Variants in PRMT3 observed in about 807,000 individuals in gnomAD.
The protein encoded by PRMT3 is protein arginine N-methyltransferase 3.
Under a neutral mutation model 71.9 loss-of-function variants are expected in PRMT3, and 62 were observed. The observed-to-expected ratio is 0.86, with a 90% CI of 0.70 to 1.07. PRMT3 has a LOEUF of 1.07. PRMT3 is among the 50% of genes least tolerant of loss of function. The pLI is 0.00. For synonymous variants in PRMT3, 213 were observed against 220.4 expected, an observed-to-expected ratio of 0.97 and a Z score of 0.30; for missense variants, 663 against 643.0, an observed-to-expected ratio of 1.03 and a Z score of -0.34.
intron 10 of PRMT3, among the ~76,000 whole-genome samples, chr11:20,440,654 A>G (rs1183409263): frequency 6.6e-6 from 1 of 151,728 alleles, no homozygotes; most frequent in Non-Finnish European, 1.5e-5. Context: ...GCTTTTATCA[A>G]AATGGTTAGT....
intron 13 of PRMT3, among the ~76,000 whole-genome samples, chr11:20,490,298 C>T (rs989230595): frequency 3.9e-5 from 6 of 152,108 alleles, no homozygotes; most frequent in East Asian, 3.8e-4. Flanking sequence ...CACATAGATG[C>T]AATTTCAGAT....
intron 15 of PRMT3, among the ~76,000 whole-genome samples, chr11:20,502,722 T>C (rs1851486863): frequency 6.6e-6 from 1 of 152,110 alleles, no homozygotes; most frequent in African/African-American, 2.4e-5. Flanking sequence ...AGGACTTCTA[T>C]AAACAAGACA....
chr11:20,402,826 A>G, intron 7 of PRMT3, 93 bp from the exon 8 acceptor site: 2 of 896,316 alleles, frequency 2.2e-6, no homozygotes, highest in Non-Finnish European at 3.5e-6. Flanking sequence ...TATGGAAACT[A>G]GCAATGTGTG....
At chr11:20,427,447 G>A (rs1203490209) in intron 10 of PRMT3, among the ~76,000 whole-genome samples, 1 of 152,184 alleles carries the variant, frequency 6.6e-6, no homozygotes, top group Non-Finnish European at 1.5e-5. Context: ...AATGGAGTCT[G>A]GGTATGGTGG....
intron 9 of PRMT3, among the ~76,000 whole-genome samples, chr11:20,415,355 T>C (rs187499164): frequency 1.3e-5 from 2 of 152,250 alleles, no homozygotes; most frequent in African/African-American, 2.4e-5. Context: ...GTTCTGTCTT[T>C]GTGGGGTACA....
At chr11:20,503,358 C>A (rs956378937) in intron 15 of PRMT3, among the ~76,000 whole-genome samples, 3 of 152,142 alleles carry the variant, frequency 2.0e-5, no homozygotes, top group Non-Finnish European at 2.9e-5. Context: ...CTAGGCACCA[C>A]ATTTTTAAAC....
intron 13 of PRMT3, among the ~76,000 whole-genome samples, chr11:20,489,408 C>A (rs1270514015): frequency 1.3e-5 from 2 of 152,126 alleles, no homozygotes; most frequent in Non-Finnish European, 2.9e-5. Context: ...CCTCTCTGAT[C>A]TTTTACGAGC....
intron 9 of PRMT3, among the ~76,000 whole-genome samples, chr11:20,416,930 A>G (rs7482999): frequency 0.86 from 130,546 of 152,098 alleles, 57,065 homozygotes; most frequent in Non-Finnish European, 0.95. Context: ...TTTAATAAAG[A>G]TAACTGGCAT....
intron 12 of PRMT3, among the ~76,000 whole-genome samples, chr11:20,463,532 A>G (rs941670096): frequency 2.0e-5 from 3 of 151,954 alleles, no homozygotes; most frequent in African/African-American, 7.3e-5. Flanking sequence ...TGAGACAGAA[A>G]AATTTAGACC....
intron 13 of PRMT3, among the ~76,000 whole-genome samples, chr11:20,485,445 A>G (rs1364400462): frequency 6.6e-6 from 1 of 152,216 alleles, no homozygotes; most frequent in African/African-American, 2.4e-5. Flanking sequence ...TTGAAAAACT[A>G]TGCTTACTAA....
intron 15 of PRMT3, among the ~76,000 whole-genome samples, chr11:20,501,294 A>T (rs1851452287): frequency 6.6e-6 from 1 of 152,078 alleles, no homozygotes; most frequent in Admixed American, 6.6e-5. Context: ...TCTTGATGTG[A>T]TGTAGTATTT....
chr11:20,507,308 CTT>C (rs1464209708), intron 15 of PRMT3, among the ~76,000 whole-genome samples: 3 of 152,166 alleles, frequency 2.0e-5, no homozygotes, highest in African/African-American at 7.2e-5. Flanking sequence ...ATCACAAACT[CTT>C]TGAGGGCAGG....
chr11:20,401,409 A>G (rs1380986313), intron 7 of PRMT3, among the ~76,000 whole-genome samples: 1 of 152,188 alleles, frequency 6.6e-6, no homozygotes, highest in Non-Finnish European at 1.5e-5. Flanking sequence ...GTAATTCTTC[A>G]GGAGAAGATT....
chr11:20,444,926 C>A (rs966573121), intron 10 of PRMT3, among the ~76,000 whole-genome samples: 5 of 152,026 alleles, frequency 3.3e-5, no homozygotes, highest in Non-Finnish European at 7.4e-5. Context: ...TAGGTGCATA[C>A]ACATTAGGTT....
intron 11 of PRMT3, among the ~76,000 whole-genome samples, chr11:20,454,530 C>T (rs1850224639): frequency 6.6e-6 from 1 of 152,068 alleles, no homozygotes; most frequent in Non-Finnish European, 1.5e-5. Context: ...GCATTTAACT[C>T]CTTAAGCAGT....
chr11:20,388,559 T>C (rs746212230), intron 2 of PRMT3, among the ~76,000 whole-genome samples: 186 of 152,308 alleles, frequency 1.2e-3, no homozygotes, highest in Non-Finnish European at 7.6e-4. Context: ...GAGTAACATA[T>C]TTGGCAGCCA....
chr11:20,442,212 G>T (rs1849923661), intron 10 of PRMT3, among the ~76,000 whole-genome samples: 3 of 145,414 alleles, frequency 2.1e-5, no homozygotes, highest in Non-Finnish European at 3.0e-5. Context: ...TCAAAATATT[G>T]TTTTTTTTTT....
chr11:20,464,777 C>T (rs1237709238), intron 13 of PRMT3, among the ~76,000 whole-genome samples: 1 of 152,096 alleles, frequency 6.6e-6, no homozygotes, highest in East Asian at 1.9e-4. Context: ...AATGATTTTT[C>T]TTTATAGAGT....
intron 9 of PRMT3, among the ~76,000 whole-genome samples, chr11:20,416,036 A>T (rs1352842919): frequency 6.6e-6 from 1 of 152,086 alleles, no homozygotes; most frequent in African/African-American, 2.4e-5. Flanking sequence ...AGTATCCTTA[A>T]TGTTTCTCAA....
Sources: allele counts gnomAD v4.1 joint callset (sites outside exome capture counted in the v4.1 genomes callset), GRCh38; gene constraint gnomAD v4.1.1; transcripts MANE v1.5; gene names NCBI Gene and HGNC (gene_info 2026-07-23, HGNC 2026-07-21).